Variants in TNN observed in about 807,000 individuals in gnomAD.
The protein encoded by TNN is tenascin N, also known as tenascin-N.
Under a neutral mutation model 134.4 loss-of-function variants are expected in TNN, and 122 were observed. That is an observed-to-expected ratio of 0.91 (90% CI 0.78 to 1.06). TNN has a LOEUF of 1.06. Among genes scored for constraint, TNN ranks in the 50% least tolerant of loss-of-function variants. The pLI, the probability that TNN is intolerant of heterozygous loss-of-function variation, is 0.00. For missense variants in TNN, 1,739 were observed against 1,699.4 expected, an observed-to-expected ratio of 1.02 and a Z score of -0.41; for synonymous variants, 710 against 670.3, an observed-to-expected ratio of 1.06 and a Z score of -0.91.
Position 175,144,378 on chromosome 1 carries a change from C to T in TNN, c.3596-9C>T, listed in dbSNP as rs778549924. 31 of 1,613,382 alleles carry T rather than the reference C, an allele frequency of 1.9e-5. No homozygotes were observed. The highest frequency in any genetic ancestry group is 1.1e-4 in the South Asian group (10 of 90,962). On this transcript the variant is annotated splice_polypyrimidine_tract_variant and intron_variant, in intron 17 of 18. Coordinates refer to ENST00000239462, the MANE Select transcript of TNN (RefSeq NM_022093.2). ...CTGGGCTCTCGCCTCCGTCTCTTCT[C>T]TCCTGCAGGGGATGCTCTTACTTAC...
At chr1:175,137,414 A>G (rs141200848) in intron 17 of TNN, among the ~76,000 whole-genome samples, 177 of 118,754 alleles carry the variant, frequency 1.5e-3, no homozygotes, top group Middle Eastern at 4.9e-3. Flanking sequence ...TTTTGGTGGC[A>G]CTTTGCTATA....
rs1675677872 is a variant in TNN, at chr1:175,131,724, T to G, written c.3330+2978T>G. 2.0e-5 allele frequency among the ~76,000 whole-genome samples: 3 copies of G among 152,332 alleles called. No homozygotes were observed. The South Asian group carries it at 6.2e-4, about 32-fold the overall frequency. On this transcript the variant is annotated intron_variant, in intron 15 of 18. Coordinates refer to ENST00000239462, the MANE Select transcript of TNN (RefSeq NM_022093.2). Reference sequence around the variant, plus strand: ...TATGATTTACTATGATTAATGATCTTGCCGAAGCCTTGATTTAAGATCGTG... The same window carrying G: ...TATGATTTACTATGATTAATGATCTGGCCGAAGCCTTGATTTAAGATCGTG...
intron 6 of TNN, among the ~76,000 whole-genome samples, chr1:175,091,349 C>A (rs1674440149): frequency 6.6e-6 from 1 of 152,170 alleles, no homozygotes; most frequent in Non-Finnish European, 1.5e-5. Flanking sequence ...CTTTAAACCT[C>A]CAGGTCTCCT....
At chr1:175,086,315 C>G (rs1403859266) in intron 6 of TNN, among the ~76,000 whole-genome samples, 1 of 152,214 alleles carries the variant, frequency 6.6e-6, no homozygotes, top group Non-Finnish European at 1.5e-5. Flanking sequence ...GGTTACAAAT[C>G]AGTCATATTT....
Position 175,079,501 on chromosome 1 carries a change from T to C in TNN, c.578T>C (p.Val193Ala). 1 of 1,562,630 alleles carries C rather than the reference T, an allele frequency of 6.4e-7. No individual in the cohort carries two copies. Among genetic ancestry groups the C allele is most frequent in the Non-Finnish European group, 8.7e-7 (1 of 1,155,032 alleles). ...DGRCLCHEPYVGADCGYPACP... is the reference protein window; with the variant it reads ...DGRCLCHEPYAGADCGYPACP... ...CGCTGCCTGTGCCATGAGCCCTACG[T>C]GGGTGCCGACTGCGGCTACCCGGCC... The change falls in exon 3 of 19, where the codon GTG becomes GCG. Residue 193 changes from valine to alanine, a missense_variant. Val to Ala is a moderately conservative substitution (Grantham distance 64). Coordinates refer to ENST00000239462, the MANE Select transcript of TNN (RefSeq NM_022093.2).
At chr1:175,091,682 A>C (rs1288539596) in intron 6 of TNN, among the ~76,000 whole-genome samples, 1 of 151,614 alleles carries the variant, frequency 6.6e-6, no homozygotes, top group African/African-American at 2.4e-5. Context: ...TCTGCCTTCC[A>C]GGTTCAAGCC....
At chr1:175,081,653 C>T (rs914301758) in intron 4 of TNN, among the ~76,000 whole-genome samples, 5 of 152,146 alleles carry the variant, frequency 3.3e-5, no homozygotes, top group Non-Finnish European at 5.9e-5. Flanking sequence ...TGTCAGTGCC[C>T]TCAAGCTAAA....
rs985623660 is a variant in TNN, at chr1:175,128,747, G to T, written c.3330+1G>T. The T allele has an allele frequency of 2.5e-6, 4 of 1,612,034 alleles. No homozygotes were observed. Among genetic ancestry groups the T allele is most frequent in the Middle Eastern group, 1.7e-4 (1 of 6,018 alleles). The stretch of plus-strand genomic sequence containing the variant: ...GGAAACGGACGGAGGTGGCTGGATT[G>T]TGAGTCACGCAGAACCCTGGGGAGC... On this transcript the variant is annotated splice_donor_variant, in intron 15 of 18. Coordinates refer to ENST00000239462, the MANE Select transcript of TNN (RefSeq NM_022093.2). LOFTEE classifies it high-confidence loss of function.
intron 11 of TNN, 99 bp downstream of exon 11, chr1:175,118,923 A>G: frequency 6.8e-7 from 1 of 1,463,194 alleles, no homozygotes; most frequent in Non-Finnish European, 9.3e-7. Context: ...CTGTAACCTC[A>G]GGGCTGCAGA....
intron 15 of TNN, among the ~76,000 whole-genome samples, chr1:175,135,384 AT>A (rs60180759): frequency 0.011 from 1,636 of 152,336 alleles, 33 homozygotes; most frequent in African/African-American, 0.038. Flanking sequence ...GTATTAAATA[AT>A]CGCTATATTA....
chr1:175,077,202 C>T (rs1369365808), intron 1 of TNN, among the ~76,000 whole-genome samples, 182 bp from the exon 2 acceptor site: 3 of 152,074 alleles, frequency 2.0e-5, no homozygotes, highest in Admixed American at 6.5e-5. Context: ...AGAGAGGAGG[C>T]AGGAATATGC....
intron 1 of TNN, among the ~76,000 whole-genome samples, chr1:175,074,089 G>A (rs1158970668): frequency 3.9e-5 from 6 of 152,122 alleles, no homozygotes; most frequent in African/African-American, 7.2e-5. Flanking sequence ...GAATTCCTCC[G>A]GGCCAGAATC....
At chr1:175,122,424 A>G (rs1675403067) in intron 11 of TNN, among the ~76,000 whole-genome samples, 1 of 152,176 alleles carries the variant, frequency 6.6e-6, no homozygotes, top group African/African-American at 2.4e-5. Context: ...TAACAGAGAA[A>G]GGGAGCTTTG....
At chr1:175,128,282 G>A in intron 14 of TNN, 118 bp downstream of exon 14, 1 of 1,023,650 alleles carries the variant, frequency 9.8e-7, no homozygotes, top group Non-Finnish European at 1.4e-6. Context: ...TCTAGGCATG[G>A]GGAAGTGGAA....
chr1:175,117,480 C>T (rs951071026), intron 10 of TNN, among the ~76,000 whole-genome samples: 2 of 151,996 alleles, frequency 1.3e-5, no homozygotes, highest in Non-Finnish European at 2.9e-5. Context: ...TAGACAGTAT[C>T]GAGGGTCTCT....
rs1186280388 is a variant in TNN, at chr1:175,116,937, A to C, written c.2120-2A>C. On this transcript the variant is annotated splice_acceptor_variant, in intron 9 of 18. Transcript: ENST00000239462. LOFTEE classifies it high-confidence loss of function. ...TCATTGATCAGCAATTTTTTTTTTC[A>C]GACATTGACAGCCCCCAAAACCTGG... 6.8e-6 allele frequency: 11 copies of C among 1,611,930 alleles called. No individual in the cohort carries two copies. The highest frequency in any genetic ancestry group is 9.3e-6 in the Non-Finnish European group (11 of 1,179,448).
At chr1:175,098,183 T>C (rs1674618536) in intron 8 of TNN, 149 bp from the exon 9 acceptor site, 2 of 1,165,980 alleles carry the variant, frequency 1.7e-6, no homozygotes, top group South Asian at 3.0e-5. Context: ...AGGGCTACTT[T>C]CTCCTTAGAC....
chr1:175,083,843 A>G lies in TNN; in HGVS notation c.1142A>G (p.Tyr381Cys). The change falls in exon 5 of 19, where the codon TAC (tyrosine) becomes TGC (cysteine). Residue 381 changes from tyrosine (Y) to cysteine (C), a missense_variant. Physicochemically the swap from Tyr to Cys is radical, Grantham distance 194. Coordinates refer to ENST00000239462, the MANE Select transcript of TNN (RefSeq NM_022093.2). ...WENPSTEVDY[Y>C]KLRYGPMTGQ... ...AACCCCTCAACTGAGGTGGACTACTACAAGCTGCGATATGGCCCCATGACA... is the reference window on the plus strand; with the variant it reads ...AACCCCTCAACTGAGGTGGACTACTGCAAGCTGCGATATGGCCCCATGACA... The G allele has an allele frequency of 1.9e-6, 3 of 1,614,188 alleles. No individual in the cohort carries two copies. Among genetic ancestry groups the G allele is most frequent in the East Asian group, 2.2e-5 (1 of 44,876 alleles).
chr1:175,079,603 A>C lies in TNN; in HGVS notation c.680A>C (p.Asp227Ala). 3 of 1,597,130 alleles carry C rather than the reference A, an allele frequency of 1.9e-6. No homozygotes were observed. Among genetic ancestry groups the C allele is most frequent in the Non-Finnish European group, 2.6e-6 (3 of 1,173,222 alleles). ...CQCHEDFMSE[D>A]CSEKRCPGDC... The stretch of plus-strand genomic sequence containing the variant: ...TGCCACGAAGACTTCATGTCGGAGG[A>C]CTGCAGCGAGAAGCGCTGTCCCGGC... The change falls in exon 3 of 19, where the codon GAC (aspartate) becomes GCC (alanine). Residue 227 changes from aspartate (D) to alanine (A), a missense_variant. Coordinates refer to ENST00000239462, the MANE Select transcript of TNN (RefSeq NM_022093.2).
Sources: allele counts gnomAD v4.1 joint callset (sites outside exome capture counted in the v4.1 genomes callset), GRCh38; gene constraint gnomAD v4.1.1; transcripts MANE v1.5; gene names NCBI Gene and HGNC (gene_info 2026-07-23, HGNC 2026-07-21).